TFAP2D: variants seen among roughly 807,000 people sequenced by gnomAD.
TFAP2D encodes the protein transcription factor AP-2-delta.
In TFAP2D, 9 loss-of-function variants were observed where a neutral mutation model predicts 43.6. That is an observed-to-expected ratio of 0.21 (90% CI 0.12 to 0.36). The LOEUF (loss-of-function observed/expected upper bound fraction) is 0.36. Ranked by LOEUF, TFAP2D falls within the 10% of genes least tolerant of loss-of-function variation. The probability of loss-of-function intolerance (pLI) is 1.00; values close to 1 mark genes in which losing one functional copy is unlikely to be tolerated. For synonymous variants in TFAP2D, 256 were observed against 224.9 expected (o/e 1.14, Z -1.24); for missense variants, 513 against 561.4 (o/e 0.91, Z 0.87).
intron 6 of TFAP2D, among the ~76,000 whole-genome samples, chr6:50,746,625 G>A (rs1052099266): frequency 6.6e-6 from 1 of 152,122 alleles, no homozygotes; most frequent in Non-Finnish European, 1.5e-5. Flanking sequence ...ATTATTTAAT[G>A]CCTTTACAAC....
At chr6:50,735,485 G>A (rs1768949974) in intron 5 of TFAP2D, among the ~76,000 whole-genome samples, 1 of 152,106 alleles carries the variant, frequency 6.6e-6, no homozygotes, top group African/African-American at 2.4e-5. Context: ...CTAGTACAGG[G>A]TTTTTAAAAC....
chr6:50,722,021 T>C (rs556271326), intron 3 of TFAP2D, among the ~76,000 whole-genome samples: 1 of 152,308 alleles, frequency 6.6e-6, no homozygotes, highest in South Asian at 2.1e-4. Context: ...CTTCAACTTG[T>C]AAAGAACAAA....
At chr6:50,752,186 G>A (rs960608246) in intron 7 of TFAP2D, among the ~76,000 whole-genome samples, 1 of 151,782 alleles carries the variant, frequency 6.6e-6, no homozygotes, top group African/African-American at 2.4e-5. Flanking sequence ...TGCACATTGT[G>A]CACATGTACC....
chr6:50,760,368 T>G (rs145324647), intron 7 of TFAP2D, among the ~76,000 whole-genome samples: 7,167 of 152,122 alleles, frequency 0.047, 201 homozygotes, highest in Non-Finnish European at 0.054. Context: ...ATACTGATGC[T>G]TTGGATTCAT....
chr6:50,763,997 A>C (rs1269968238), intron 7 of TFAP2D, among the ~76,000 whole-genome samples: 5 of 152,178 alleles, frequency 3.3e-5, no homozygotes, highest in Non-Finnish European at 7.4e-5. Flanking sequence ...ATCTTGATAA[A>C]TTCAAATTTT....
chr6:50,715,265 C>A lies in TFAP2D; in HGVS notation c.189C>A (p.Asn63Lys). The change falls in exon 2 of 8, where the codon AAC (asparagine) becomes AAA (lysine). Residue 63 changes from asparagine to lysine, a missense_variant. By Grantham distance (94) the Asn-to-Lys change is moderately conservative (BLOSUM62 0). Transcript: ENST00000008391. ...TTGCGTCCCCCTACTTCTCCACTAA[C>A]CACCAGTACACCCCGCTCCACCACC... ...TEFASPYFST[N>K]HQYTPLHHQS... 1 of 1,614,038 alleles carries A rather than the reference C, an allele frequency of 6.2e-7. No homozygotes were observed. Among genetic ancestry groups the A allele is most frequent in the Non-Finnish European group, 8.5e-7 (1 of 1,179,970 alleles).
intron 3 of TFAP2D, among the ~76,000 whole-genome samples, chr6:50,721,192 A>G (rs896807564): frequency 5.9e-5 from 9 of 152,214 alleles, no homozygotes; most frequent in African/African-American, 1.4e-4. Flanking sequence ...ACTAAAAATC[A>G]TCGTCGAATC....
chr6:50,730,207 T>A (rs1485796178), intron 5 of TFAP2D, among the ~76,000 whole-genome samples: 1 of 152,162 alleles, frequency 6.6e-6, no homozygotes, highest in Non-Finnish European at 1.5e-5. Flanking sequence ...ACATCTATAC[T>A]TTTTTTCAGA....
At chr6:50,740,219 A>G (rs891571881) in intron 5 of TFAP2D, among the ~76,000 whole-genome samples, 1 of 152,180 alleles carries the variant, frequency 6.6e-6, no homozygotes, top group African/African-American at 2.4e-5. Context: ...ACAAATTGTT[A>G]TTTTCATTTA....
chr6:50,745,225 A>G lies in TFAP2D; in HGVS notation c.1002A>G (p.Arg334=), dbSNP rs114178534. The G allele has an allele frequency of 9.6e-4, 1,544 of 1,613,600 alleles. 17 individuals are homozygous for G. In the African/African-American group the frequency reaches 0.017, roughly 18 times the overall value. The change falls in exon 6 of 8, where the codon AGA becomes AGG. Residue 334 remains arginine (R), a synonymous_variant. Transcript: ENST00000008391. ...TGGAACAGAAAGAACAGACAGCAAG[A>G]AAAAAGATGATCCTGGCGACCAAGT... ...QHMEQKEQTA[R]KKMILATKQI...
chr6:50,760,974 T>C (rs1414088329), intron 7 of TFAP2D, among the ~76,000 whole-genome samples: 1 of 150,882 alleles, frequency 6.6e-6, no homozygotes, highest in Non-Finnish European at 1.5e-5. Flanking sequence ...AACACTGTAG[T>C]GAGATTATAG....
chr6:50,746,601 A>G (rs1477702569), intron 6 of TFAP2D, among the ~76,000 whole-genome samples: 1 of 152,158 alleles, frequency 6.6e-6, no homozygotes, highest in East Asian at 1.9e-4. Context: ...CTTCTTAGAA[A>G]CTGATAACAA....
At chr6:50,744,036 G>C (rs1769091123) in intron 5 of TFAP2D, among the ~76,000 whole-genome samples, 1 of 152,122 alleles carries the variant, frequency 6.6e-6, no homozygotes, top group Admixed American at 6.6e-5. Context: ...CAGATACACA[G>C]TACAAACTTG....
At chr6:50,743,468 A>T (rs905438351) in intron 5 of TFAP2D, among the ~76,000 whole-genome samples, 2 of 151,920 alleles carry the variant, frequency 1.3e-5, no homozygotes, top group Non-Finnish European at 2.9e-5. Flanking sequence ...TACAGTCTCA[A>T]CTTCATGGTG....
intron 5 of TFAP2D, among the ~76,000 whole-genome samples, chr6:50,744,332 G>A (rs182826689): frequency 2.2e-4 from 33 of 152,078 alleles, no homozygotes; most frequent in African/African-American, 7.7e-4. Context: ...GTTTACTTAG[G>A]ATAATGGCCT....
intron 5 of TFAP2D, among the ~76,000 whole-genome samples, chr6:50,731,313 C>T (rs1768889376): frequency 6.6e-6 from 1 of 152,018 alleles, no homozygotes; most frequent in South Asian, 2.1e-4. Context: ...CCAGTATCTT[C>T]AGGATGTAGA....
intron 5 of TFAP2D, among the ~76,000 whole-genome samples, chr6:50,730,502 G>A (rs1768871325): frequency 6.6e-6 from 1 of 151,116 alleles, no homozygotes; most frequent in Non-Finnish European, 1.5e-5. Context: ...CATTGGGGAA[G>A]AGCAAAGTAG....
chr6:50,744,682 C>T (rs1454415053), intron 5 of TFAP2D, among the ~76,000 whole-genome samples: 2 of 152,050 alleles, frequency 1.3e-5, no homozygotes, highest in African/African-American at 2.4e-5. Flanking sequence ...TAATAGGTCT[C>T]ATGGAAAAAA....
At position 50,752,641 on chromosome 6, in the gene TFAP2D, G is replaced by A. The variant is rs1418524968; in HGVS notation, c.1139+1317G>A. Among the ~76,000 whole-genome samples, 3 of 151,814 alleles carry A rather than the reference G, an allele frequency of 2.0e-5. No individual in the cohort carries two copies. The East Asian group carries it at 5.8e-4, about 29-fold the overall frequency. On this transcript the variant is annotated intron_variant, in intron 7 of 7. Coordinates refer to ENST00000008391, the MANE Select transcript of TFAP2D (RefSeq NM_172238.4). ...AATATGTCACAAGTTTCCTCAAGAT[G>A]TAATAGACACACATCTCTGAAGACT...
Sources: allele counts gnomAD v4.1 joint callset (sites outside exome capture counted in the v4.1 genomes callset), GRCh38; gene constraint gnomAD v4.1.1; transcripts MANE v1.5; gene names NCBI Gene and HGNC (gene_info 2026-07-23, HGNC 2026-07-21).